TFCP2L1: variants seen among roughly 807,000 people sequenced by gnomAD.
TFCP2L1 encodes transcription factor CP2-like protein 1.
A neutral mutation model predicts 72.2 loss-of-function variants in TFCP2L1; 12 were observed. The observed-to-expected ratio is 0.17, with a 90% CI of 0.11 to 0.27. TFCP2L1 has a LOEUF of 0.27. TFCP2L1 is among the 10% of genes least tolerant of loss of function. The pLI, the probability that TFCP2L1 is intolerant of heterozygous loss-of-function variation, is 1.00. For missense variants in TFCP2L1, 488 were observed against 624.6 expected (o/e 0.78, Z 2.33); for synonymous variants, 260 against 251.0 (o/e 1.04, Z -0.34).
rs925214870 is a variant in TFCP2L1, at chr2:121,218,216, T to C, written c.*6125A>G. 1.3e-5 allele frequency: 2 copies of C among 152,218 alleles called. No homozygotes were observed. The highest frequency in any genetic ancestry group is 4.8e-5 in the African/African-American group (2 of 41,448). 9.4% of individuals were successfully genotyped at this position (152,218 alleles called of 1,614,324 possible). ...CGTAAGAGCAAACAAATTTCCACAATTTTTAAATTGATAAAATCCAAAATA... is the reference window on the plus strand; with the variant it reads ...CGTAAGAGCAAACAAATTTCCACAACTTTTAAATTGATAAAATCCAAAATA... On this transcript the variant is annotated 3_prime_UTR_variant, in exon 15 of 15. Coordinates refer to ENST00000263707, the MANE Select transcript of TFCP2L1 (RefSeq NM_014553.3).
At chr2:121,250,745 T>C (rs2104708279) in intron 2 of TFCP2L1, among the ~76,000 whole-genome samples, 1 of 151,476 alleles carries the variant, frequency 6.6e-6, no homozygotes, top group Non-Finnish European at 1.5e-5. Flanking sequence ...TAGCTGAGAT[T>C]ACAGGCGCCT....
intron 2 of TFCP2L1, among the ~76,000 whole-genome samples, chr2:121,263,758 G>C (rs1336899452): frequency 6.6e-6 from 1 of 152,162 alleles, no homozygotes; most frequent in African/African-American, 2.4e-5. Context: ...GTGTGTTTAC[G>C]ACAAGGCCAG....
In TFCP2L1 at chr2:121,264,856, C is replaced by T. The variant is rs80139226; in HGVS notation, c.215-15209G>A. 8.0e-3 allele frequency among the ~76,000 whole-genome samples: 1,212 copies of T among 152,260 alleles called. 8 individuals carry two copies. The highest frequency in any genetic ancestry group is 0.013 in the Non-Finnish European group (904 of 68,024). Reference sequence around the variant, plus strand: ...AATAACAACAAATAACAAGTGCTGGCCGGGGAGAAGCTGGATCCCTCCTGT... The same window carrying T: ...AATAACAACAAATAACAAGTGCTGGTCGGGGAGAAGCTGGATCCCTCCTGT... On this transcript the variant is annotated intron_variant, in intron 2 of 14. Transcript: ENST00000263707.
chr2:121,227,747 A>ACACACG (rs961994899), intron 13 of TFCP2L1, among the ~76,000 whole-genome samples: 1 of 151,718 alleles, frequency 6.6e-6, no homozygotes, highest in African/African-American at 2.4e-5. Flanking sequence ...ACACACACAC[A>ACACACG]CACACTAGCT....
At chr2:121,275,743 G>A (rs1458910424) in intron 2 of TFCP2L1, among the ~76,000 whole-genome samples, 2 of 151,884 alleles carry the variant, frequency 1.3e-5, no homozygotes, top group Non-Finnish European at 2.9e-5. Flanking sequence ...GCTGATTTTT[G>A]TATTTTTAGT....
At chr2:121,234,309 G>T in intron 11 of TFCP2L1, 115 bp from the exon 12 acceptor site, 1 of 953,856 alleles carries the variant, frequency 1.0e-6, no homozygotes, top group Non-Finnish European at 1.6e-6. Flanking sequence ...AAAGACAGCG[G>T]TGGTGACGTG....
chr2:121,267,123 G>A (rs866200118), intron 2 of TFCP2L1, among the ~76,000 whole-genome samples: 1 of 151,954 alleles, frequency 6.6e-6, no homozygotes, highest in African/African-American at 2.4e-5. Flanking sequence ...TCACCATGTT[G>A]GCCAGGCTGG....
chr2:121,239,042 A>G (rs1005934825), intron 8 of TFCP2L1, among the ~76,000 whole-genome samples: 2 of 152,092 alleles, frequency 1.3e-5, no homozygotes, highest in African/African-American at 4.8e-5. Flanking sequence ...CAGGAGAGTG[A>G]CTGTCCTGTC....
rs759002950 is a variant in TFCP2L1 at position 121,248,235 on chromosome 2, C to T, written c.433G>A (p.Ala145Thr). Reference sequence around the variant, plus strand: ...ACTGCATTCAGCTGGGTCGGGCTGGCCCTGGGGTCCAAGATACCAACAGAC... The same window carrying T: ...ACTGCATTCAGCTGGGTCGGGCTGGTCCTGGGGTCCAAGATACCAACAGAC... ...PLSVGILDPR[A>T]SPTQLNAVEF... The change falls in exon 5 of 15, where the codon GCC becomes ACC. Residue 145 changes from alanine (A) to threonine (T), a missense_variant. By Grantham distance (58) the Ala-to-Thr change is moderately conservative (BLOSUM62 0). This residue lies in a region of TFCP2L1 where 129 missense variants were observed against 236.0 expected (regional missense o/e 0.55). Transcript: ENST00000263707. The T allele has an allele frequency of 6.2e-7, 1 of 1,613,998 alleles. No individual in the cohort carries two copies. Among genetic ancestry groups the T allele is most frequent in the Non-Finnish European group, 8.5e-7 (1 of 1,179,986 alleles).
Position 121,242,409 on chromosome 2 carries a change from G to C in TFCP2L1, c.718C>G (p.Gln240Glu). ...DREKMEKRTA[Q>E]EKEKYQPSYE... Reference sequence around the variant, plus strand: ...GACGGCTGGTATTTCTCCTTCTCTTGGGCAGTTCTTTTCTCCATCTTCTCC... The same window carrying C: ...GACGGCTGGTATTTCTCCTTCTCTTCGGCAGTTCTTTTCTCCATCTTCTCC... Residue 240 changes from glutamine to glutamate, a missense_variant, in exon 7 of 15, where the codon CAA becomes GAA. Transcript: ENST00000263707. 2 of 1,614,122 alleles carry C rather than the reference G, an allele frequency of 1.2e-6. No individual in the cohort carries two copies. Among genetic ancestry groups the C allele is most frequent in the Non-Finnish European group, 8.5e-7 (1 of 1,180,024 alleles).
At chr2:121,224,489 C>G in intron 14 of TFCP2L1, 102 bp from the exon 15 acceptor site, 5 of 1,203,434 alleles carry the variant, frequency 4.2e-6, no homozygotes, top group Non-Finnish European at 6.0e-6. Flanking sequence ...CAGCAAAGAC[C>G]ACCAAAATAG....
At chr2:121,257,729 C>T (rs375437854) in intron 2 of TFCP2L1, among the ~76,000 whole-genome samples, 2 of 152,222 alleles carry the variant, frequency 1.3e-5, no homozygotes, top group African/African-American at 2.4e-5. Context: ...AGGAAGCGGT[C>T]ACACACCACA....
intron 2 of TFCP2L1, among the ~76,000 whole-genome samples, chr2:121,258,569 T>C (rs1429567012): frequency 1.3e-5 from 2 of 152,168 alleles, no homozygotes; most frequent in East Asian, 3.9e-4. Context: ...ATCACCTACT[T>C]CTTGTCCCTG....
At chr2:121,270,988 G>A (rs930418135) in intron 2 of TFCP2L1, among the ~76,000 whole-genome samples, 14 of 151,196 alleles carry the variant, frequency 9.3e-5, no homozygotes, top group Middle Eastern at 3.4e-3. Flanking sequence ...TCAGGAGTTC[G>A]AAACCACCCT....
chr2:121,273,043 CCT>C (rs915723646), intron 2 of TFCP2L1, among the ~76,000 whole-genome samples: 20 of 152,308 alleles, frequency 1.3e-4, no homozygotes, highest in African/African-American at 4.6e-4. Flanking sequence ...CCCATGCTTG[CCT>C]TTGCATGTGG....
chr2:121,267,755 A>G (rs567841654), intron 2 of TFCP2L1, among the ~76,000 whole-genome samples: 1 of 152,336 alleles, frequency 6.6e-6, no homozygotes, highest in Admixed American at 6.5e-5. Context: ...TTGGCCTCCC[A>G]AAGTGCTGGG....
intron 3 of TFCP2L1, among the ~76,000 whole-genome samples, 156 bp downstream of exon 3, chr2:121,249,415 G>GCCAAACAGGGGCTGCGTCTCT (rs1388746677): frequency 1.3e-5 from 2 of 152,212 alleles, no homozygotes; most frequent in African/African-American, 4.8e-5. Context: ...CTCCAGAGAA[G>GCCAAACAGGGGCTGCGTCTCT]CCAAACAGGG....
chr2:121,242,098 AAAAAAAAAAAG>A (rs1686383813), intron 7 of TFCP2L1, among the ~76,000 whole-genome samples: 2 of 151,682 alleles, frequency 1.3e-5, no homozygotes, highest in African/African-American at 4.8e-5. Context: ...AAAAAAAAAA[AAAAAAAAAAAG>A]GGAACCTAAT....
intron 2 of TFCP2L1, among the ~76,000 whole-genome samples, chr2:121,260,511 C>T (rs1686811465): frequency 6.6e-6 from 1 of 152,236 alleles, no homozygotes; most frequent in Non-Finnish European, 1.5e-5. Context: ...CCTACCCATG[C>T]ACAGGTCACT....
Sources: gnomAD v4.1 joint callset for allele counts (sites outside exome capture counted in the v4.1 genomes callset) on GRCh38, gnomAD v4.1.1 for gene constraint, gnomAD v4.1.1 regional missense constraint, MANE v1.5 for transcripts, NCBI Gene and HGNC (gene_info 2026-07-23, HGNC 2026-07-21) for gene names.